Variants in KIAA0825 observed in about 807,000 individuals in gnomAD.
The protein encoded by KIAA0825 is uncharacterized protein KIAA0825.
Under a neutral mutation model 147.6 loss-of-function variants are expected in KIAA0825, and 119 were observed. The ratio of observed to expected loss-of-function variants is 0.81; its 90% confidence interval spans 0.69 to 0.94. KIAA0825 has a LOEUF of 0.94. Ranked by LOEUF, KIAA0825 falls within the 40% of genes least tolerant of loss-of-function variation. The probability of loss-of-function intolerance (pLI) is 0.00; values close to 1 mark genes in which losing one functional copy is unlikely to be tolerated. For missense variants in KIAA0825, 1,381 were observed against 1,472.7 expected, an observed-to-expected ratio of 0.94 and a Z score of 1.02; for synonymous variants, 470 against 518.1, an observed-to-expected ratio of 0.91 and a Z score of 1.26.
At chr5:94,167,269 A>C (rs1307880459) in intron 20 of KIAA0825, among the ~76,000 whole-genome samples, 1 of 152,244 alleles carries the variant, frequency 6.6e-6, no homozygotes, top group Non-Finnish European at 1.5e-5. Context: ...ATACGTTAGC[A>C]GAAATTGAGA....
chr5:94,464,046 G>A (rs1760164981), intron 11 of KIAA0825, among the ~76,000 whole-genome samples: 1 of 116,738 alleles, frequency 8.6e-6, no homozygotes, highest in Non-Finnish European at 1.7e-5. Flanking sequence ...AACATGATCA[G>A]GAAATGATTC....
intron 2 of KIAA0825, among the ~76,000 whole-genome samples, chr5:94,565,439 T>G (rs1234139757): frequency 1.3e-5 from 2 of 151,798 alleles, no homozygotes; most frequent in East Asian, 3.9e-4. Flanking sequence ...CCTCCCAGGT[T>G]GAGGCAATTC....
chr5:94,586,372 C>T (rs1783287421), intron 1 of KIAA0825, among the ~76,000 whole-genome samples: 1 of 152,156 alleles, frequency 6.6e-6, no homozygotes, highest in African/African-American at 2.4e-5. Context: ...TCACTGATCC[C>T]ACAGAAATAT....
At chr5:94,482,163 T>C (rs1159670978) in intron 6 of KIAA0825, among the ~76,000 whole-genome samples, 2 of 152,120 alleles carry the variant, frequency 1.3e-5, no homozygotes, top group East Asian at 3.8e-4. Context: ...AAAATATTTA[T>C]TGTATCTCTA....
chr5:94,356,025 T>C (rs962548949), intron 20 of KIAA0825, among the ~76,000 whole-genome samples: 2 of 152,222 alleles, frequency 1.3e-5, no homozygotes, highest in African/African-American at 4.8e-5. Context: ...TCAGTAGGTC[T>C]TGGGTGGGGC....
At chr5:94,482,203 G>A (rs1055495525) in intron 6 of KIAA0825, among the ~76,000 whole-genome samples, 2 of 151,958 alleles carry the variant, frequency 1.3e-5, no homozygotes, top group Non-Finnish European at 2.9e-5. Context: ...TCAAATTACT[G>A]AGAGAACGGC....
Position 94,345,481 on chromosome 5 carries a change from G to A in KIAA0825, c.3710+38887C>T, listed in dbSNP as rs1326000291. On this transcript the variant is annotated intron_variant, in intron 20 of 20. Transcript: ENST00000682413. ...GGAGTCAACTGTCAGCCTTAGACTT[G>A]AATCTCAACTTGGCTATGTGTAAAG... Among the ~76,000 whole-genome samples, 4 of 152,178 alleles carry A rather than the reference G, an allele frequency of 2.6e-5. No homozygotes were observed. The East Asian group carries it at 7.8e-4, about 30-fold the overall frequency.
intron 20 of KIAA0825, among the ~76,000 whole-genome samples, chr5:94,302,222 C>T (rs1420508545): frequency 2.6e-5 from 4 of 152,162 alleles, no homozygotes; most frequent in East Asian, 3.9e-4. Context: ...GCCCCAGTTG[C>T]GCTTCATCAT....
At chr5:94,447,507 T>C (rs895369295) in intron 13 of KIAA0825, among the ~76,000 whole-genome samples, 2 of 152,070 alleles carry the variant, frequency 1.3e-5, no homozygotes, top group African/African-American at 4.8e-5. Flanking sequence ...AGCAGGCAAA[T>C]ACAATTGATT....
chr5:94,556,231 T>G (rs189790448), intron 2 of KIAA0825, among the ~76,000 whole-genome samples: 54 of 152,036 alleles, frequency 3.6e-4, no homozygotes, highest in South Asian at 2.1e-3. Flanking sequence ...TTTTGTTTTG[T>G]TTTGGTTTGG....
In KIAA0825 at chr5:94,397,890, C is replaced by T. The variant is rs536370445; in HGVS notation, c.2888-1381G>A. On this transcript the variant is annotated intron_variant, in intron 16 of 20. Coordinates refer to ENST00000682413, the MANE Select transcript of KIAA0825 (RefSeq NM_001145678.3). ...CATTCCACTTCTGTGTCCTCATCAC[C>T]ATCAACTCAATATAACTAAAACCAT... Among the ~76,000 whole-genome samples, 14 of 152,156 alleles carry T rather than the reference C, an allele frequency of 9.2e-5. No individual in the cohort carries two copies. The South Asian group carries it at 2.5e-3, about 27-fold the overall frequency.
In KIAA0825 at chr5:94,361,243, GTTA is replaced by G. The variant is rs200829695; in HGVS notation, c.3710+23122_3710+23124del. The stretch of plus-strand genomic sequence containing the variant: ...TAAAAATAATAAAGTGTACCTAAAT[GTTA>G]TAATGATAAAGAGAGTCACTGCTTT... On this transcript the variant is annotated intron_variant, in intron 20 of 20. Coordinates refer to ENST00000682413, the MANE Select transcript of KIAA0825 (RefSeq NM_001145678.3). Among the ~76,000 whole-genome samples the G allele has an allele frequency of 1.6e-3, 242 of 152,218 alleles. 2 individuals are homozygous for G. In the East Asian group the frequency reaches 0.044, roughly 27 times the overall value.
At chr5:94,342,053 G>A (rs551385008) in intron 20 of KIAA0825, among the ~76,000 whole-genome samples, 2 of 152,060 alleles carry the variant, frequency 1.3e-5, no homozygotes, top group East Asian at 1.9e-4. Flanking sequence ...GAAGTTAGCC[G>A]GGCGTGGTGG....
At chr5:94,182,559 C>T (rs1048991096) in intron 20 of KIAA0825, among the ~76,000 whole-genome samples, 8 of 151,806 alleles carry the variant, frequency 5.3e-5, no homozygotes, top group Admixed American at 1.3e-4. Context: ...CATGCCCAGC[C>T]GTAAATGTCC....
intron 1 of KIAA0825, among the ~76,000 whole-genome samples, chr5:94,608,668 A>T (rs914898711): frequency 1.4e-5 from 2 of 147,460 alleles, no homozygotes; most frequent in African/African-American, 2.5e-5. Flanking sequence ...TAACCTTTGT[A>T]TACACTACAT....
chr5:94,500,926 C>T (rs1018595254), intron 5 of KIAA0825, among the ~76,000 whole-genome samples: 27 of 152,112 alleles, frequency 1.8e-4, no homozygotes, highest in Middle Eastern at 3.4e-3. Context: ...TACAGGTGCC[C>T]GCCACCACAC....
intron 8 of KIAA0825, among the ~76,000 whole-genome samples, chr5:94,472,491 A>T (rs560433760): frequency 6.6e-6 from 1 of 152,282 alleles, no homozygotes; most frequent in Non-Finnish European, 1.5e-5. Flanking sequence ...CACGCCTGTA[A>T]TCCCAGCACT....
At chr5:94,524,354 G>C (rs1429136026) in intron 3 of KIAA0825, among the ~76,000 whole-genome samples, 1 of 151,576 alleles carries the variant, frequency 6.6e-6, no homozygotes, top group Non-Finnish European at 1.5e-5. Flanking sequence ...CTTTTGTGTT[G>C]AAACAAAAAT....
At chr5:94,439,523 G>A (rs989578377) in intron 14 of KIAA0825, among the ~76,000 whole-genome samples, 2 of 151,060 alleles carry the variant, frequency 1.3e-5, no homozygotes, top group African/African-American at 4.8e-5. Flanking sequence ...GGATATAGCT[G>A]TAGGCCACAT....
Sources: gnomAD v4.1 joint callset for allele counts (sites outside exome capture counted in the v4.1 genomes callset) on GRCh38, gnomAD v4.1.1 for gene constraint, MANE v1.5 for transcripts, NCBI Gene and HGNC (gene_info 2026-07-23, HGNC 2026-07-21) for gene names.